KAZN: variants seen among roughly 807,000 people sequenced by gnomAD.
The protein encoded by KAZN is kazrin, periplakin interacting protein, also known as kazrin.
In KAZN, 40 loss-of-function variants were observed where a neutral mutation model predicts 87.4. The observed-to-expected ratio is 0.46, with a 90% CI of 0.36 to 0.60. The LOEUF (loss-of-function observed/expected upper bound fraction) is 0.60. KAZN is among the 20% of genes least tolerant of loss of function. The probability of loss-of-function intolerance (pLI) is 0.00; values close to 1 mark genes in which losing one functional copy is unlikely to be tolerated. For missense variants in KAZN, 898 were observed against 1,073.9 expected, an observed-to-expected ratio of 0.84 and a Z score of 2.29; for synonymous variants, 466 against 458.3, an observed-to-expected ratio of 1.02 and a Z score of -0.22.
chr1:14,123,381 G>A (rs1010658621), intron 1 of KAZN, among the ~76,000 whole-genome samples: 6 of 152,200 alleles, frequency 3.9e-5, no homozygotes, highest in Admixed American at 2.6e-4. Flanking sequence ...TTGTTGATGT[G>A]TATGTACCTT....
intron 1 of KAZN, among the ~76,000 whole-genome samples, chr1:14,855,285 G>A (rs1649954746): frequency 6.6e-6 from 1 of 152,114 alleles, no homozygotes; most frequent in African/African-American, 2.4e-5. Context: ...ATTTTGTTCT[G>A]GGTGGAATGA....
At chr1:14,381,725 A>C (rs909985314) in intron 2 of KAZN, among the ~76,000 whole-genome samples, 23 of 152,334 alleles carry the variant, frequency 1.5e-4, no homozygotes, top group Admixed American at 1.2e-3. Context: ...TATCATGCTG[A>C]ATGGGAAAAA....
intron 2 of KAZN, among the ~76,000 whole-genome samples, chr1:14,181,175 GTGTTGA>G (rs1646189952): frequency 6.6e-6 from 1 of 152,188 alleles, no homozygotes; most frequent in Non-Finnish European, 1.5e-5. Context: ...CTCTTCAGAC[GTGTTGA>G]TAGACAAACA....
intron 2 of KAZN, among the ~76,000 whole-genome samples, chr1:15,011,331 G>C (rs998306861): frequency 1.3e-5 from 2 of 152,196 alleles, no homozygotes; most frequent in African/African-American, 4.8e-5. Context: ...GATTGAATAA[G>C]CTGTCCCCTC....
chr1:14,224,990 A>C (rs925909400), intron 2 of KAZN, among the ~76,000 whole-genome samples: 5 of 152,190 alleles, frequency 3.3e-5, no homozygotes, highest in Non-Finnish European at 7.3e-5. Flanking sequence ...TAAATGTTCA[A>C]AGACAAGGAT....
At chr1:14,226,011 G>A (rs1394706251) in intron 2 of KAZN, among the ~76,000 whole-genome samples, 1 of 151,818 alleles carries the variant, frequency 6.6e-6, no homozygotes, top group Non-Finnish European at 1.5e-5. Context: ...TTGACCATAG[G>A]ACCTAATCAA....
chr1:14,992,323 G>C (rs1557694308), intron 2 of KAZN, among the ~76,000 whole-genome samples: 1 of 152,214 alleles, frequency 6.6e-6, no homozygotes, highest in Non-Finnish European at 1.5e-5. Context: ...GTGGAGGGCA[G>C]ACACACCTCT....
chr1:14,300,584 T>C (rs1654479570), intron 2 of KAZN, among the ~76,000 whole-genome samples: 1 of 151,994 alleles, frequency 6.6e-6, no homozygotes, highest in Non-Finnish European at 1.5e-5. Context: ...TTTCAAAAGG[T>C]CCCTCTAGCT....
chr1:14,557,631 T>TGTGG (rs1220932777), intron 2 of KAZN, among the ~76,000 whole-genome samples: 5 of 21,090 alleles, frequency 2.4e-4, no homozygotes, highest in Admixed American at 1.0e-3. Context: ...TGTGTGTGGG[T>TGTGG]GTGTGTGTGT....
chr1:14,207,684 A>G (rs2100436412), intron 2 of KAZN, among the ~76,000 whole-genome samples: 2 of 152,300 alleles, frequency 1.3e-5, no homozygotes, highest in South Asian at 4.1e-4. Context: ...CGCCCCTTTC[A>G]CTTCATCTGT....
intron 2 of KAZN, among the ~76,000 whole-genome samples, chr1:14,447,011 T>G (rs1667019534): frequency 6.6e-6 from 1 of 152,134 alleles, no homozygotes; most frequent in African/African-American, 2.4e-5. Context: ...GTCACCCAGT[T>G]AGTGAGCATA....
At chr1:14,030,635 T>TACACACACACACAC (rs60838104) in intron 1 of KAZN, among the ~76,000 whole-genome samples, 4 of 145,024 alleles carry the variant, frequency 2.8e-5, no homozygotes, top group African/African-American at 1.0e-4. Flanking sequence ...TGTACACAGA[T>TACACACACACACAC]ACACACACAC....
chr1:14,441,359 G>GGGCAGCAGCGGCAGCGGC (rs1553172844), intron 2 of KAZN, among the ~76,000 whole-genome samples: 4 of 151,726 alleles, frequency 2.6e-5, no homozygotes, highest in Non-Finnish European at 5.9e-5. Context: ...ATGTTGTTCC[G>GGGCAGCAGCGGCAGCGGC]GGCAGCAGCG....
chr1:14,545,339 A>G (rs1442789771), intron 2 of KAZN, among the ~76,000 whole-genome samples: 2 of 152,140 alleles, frequency 1.3e-5, no homozygotes, highest in African/African-American at 4.8e-5. Flanking sequence ...AACACCCACC[A>G]CTTTTCCAAA....
At chr1:14,586,610 A>G (rs1306835871) in intron 2 of KAZN, among the ~76,000 whole-genome samples, 1 of 150,798 alleles carries the variant, frequency 6.6e-6, no homozygotes, top group African/African-American at 2.4e-5. Flanking sequence ...AGCTCACTGA[A>G]GCCTCAAACT....
chr1:14,115,243 G>A (rs10928016), intron 1 of KAZN, among the ~76,000 whole-genome samples: 53,996 of 152,084 alleles, frequency 0.36, 11,004 homozygotes, highest in East Asian at 0.71. Context: ...CACTTCTTAT[G>A]CAGCCACAAA....
chr1:15,005,646 G>C (rs550790363), intron 2 of KAZN, among the ~76,000 whole-genome samples: 7 of 152,176 alleles, frequency 4.6e-5, no homozygotes, highest in Admixed American at 6.5e-5. Flanking sequence ...AAAATAACTA[G>C]ACATAGTGGC....
chr1:14,777,415 T>C (rs1472691669), intron 1 of KAZN, among the ~76,000 whole-genome samples: 1 of 152,166 alleles, frequency 6.6e-6, no homozygotes, highest in African/African-American at 2.4e-5. Context: ...CCAGTGCCCT[T>C]GCGTATAAGC....
intron 1 of KAZN, among the ~76,000 whole-genome samples, chr1:14,142,714 C>T (rs1051861766): frequency 2.6e-5 from 4 of 152,226 alleles, no homozygotes; most frequent in Non-Finnish European, 4.4e-5. Context: ...GACATGGTCA[C>T]GTGAGGCAGA....
Sources: allele counts gnomAD v4.1 joint callset (sites outside exome capture counted in the v4.1 genomes callset), GRCh38; gene constraint gnomAD v4.1.1; transcripts MANE v1.5; gene names NCBI Gene and HGNC (gene_info 2026-07-23, HGNC 2026-07-21).